The following TEKT5 variants were observed in gnomAD, a reference collection of about 807,000 sequenced individuals.
TEKT5 encodes the protein tektin-5.
A neutral mutation model predicts 48.7 loss-of-function variants in TEKT5; 52 were observed. The ratio of observed to expected loss-of-function variants is 1.07; its 90% CI spans 0.86 to 1.35. TEKT5 has a LOEUF of 1.35. TEKT5 is among the 40% of genes most tolerant of loss of function. The probability of loss-of-function intolerance (pLI) is 0.00; values close to 1 mark genes in which losing one functional copy is unlikely to be tolerated. For synonymous variants in TEKT5, 318 were observed against 267.6 expected, an observed-to-expected ratio of 1.19 and a Z score of -1.84; for missense variants, 831 against 641.6, an observed-to-expected ratio of 1.30 and a Z score of -3.19.
At position 10,694,654 on chromosome 16, in the gene TEKT5, G is replaced by A; in HGVS notation, c.220C>T (p.Pro74Ser). 3 of 1,613,044 alleles carry A rather than the reference G, an allele frequency of 1.9e-6. No homozygotes were observed. Among genetic ancestry groups the A allele is most frequent in the Non-Finnish European group, 2.5e-6 (3 of 1,179,428 alleles). The change falls in exon 1 of 7, where the codon CCG (proline) becomes TCG (serine). Residue 74 changes from proline (P) to serine (S), a missense_variant. Physicochemically the swap from Pro to Ser is moderately conservative, Grantham distance 74 (BLOSUM62 -1). Transcript: ENST00000283025. ...CGCAGTGTGGGCAGGATGGTGGGCG[G>A]CCGCAGGGTACTGGTGCTCTCGTCC... Reference protein sequence around the residue: ...CPDESTSTLRPPTILPTLRSA... With the variant: ...CPDESTSTLRSPTILPTLRSA...
intron 5 of TEKT5, 21 bp from the exon 6 acceptor site, chr16:10,635,939 G>A (rs764903688): frequency 1.9e-6 from 3 of 1,611,716 alleles, no homozygotes; most frequent in South Asian, 1.1e-5. Flanking sequence ...ACACACAGGT[G>A]TCACCACCCA....
chr16:10,692,936 T>C (rs1172851358), intron 1 of TEKT5: 1 of 152,228 alleles, frequency 6.6e-6, no homozygotes, highest in Non-Finnish European at 1.5e-5. Context: ...GGAATTTTCC[T>C]CATGACAGAA....
At chr16:10,654,016 A>G (rs1404818837) in intron 5 of TEKT5, among the ~76,000 whole-genome samples, 2 of 135,914 alleles carry the variant, frequency 1.5e-5, no homozygotes, top group African/African-American at 3.5e-5. Flanking sequence ...GTGTGTGTGC[A>G]TGTGTGTGTG....
At chr16:10,671,124 G>C (rs1296277872) in intron 5 of TEKT5, among the ~76,000 whole-genome samples, 6 of 152,128 alleles carry the variant, frequency 3.9e-5, no homozygotes, top group African/African-American at 1.2e-4. Flanking sequence ...CCTTTTTACT[G>C]AGTGTTTATC....
Position 10,652,557 on chromosome 16 carries a change from A to C in TEKT5, c.1087-16639T>G, listed in dbSNP as rs1326039791. ...GGCAGACATACACACACACACACAC[A>C]CACCCCCTCCAGGCCAGGTAGAATG... On this transcript the variant is annotated intron_variant, in intron 5 of 6. Coordinates refer to ENST00000283025, the MANE Select transcript of TEKT5 (RefSeq NM_144674.2). Among the ~76,000 whole-genome samples the C allele has an allele frequency of 2.4e-5, 3 of 125,746 alleles. 1 individual carries two copies. Among genetic ancestry groups the C allele is most frequent in the Non-Finnish European group, 4.9e-5 (3 of 60,804 alleles). 82.5% of individuals were successfully genotyped at this position (125,746 alleles called of 152,430 possible). A position where few individuals can be genotyped will look rare whatever the true frequency, so the allele number is the denominator to read the frequency against.
intron 5 of TEKT5, among the ~76,000 whole-genome samples, chr16:10,662,131 G>T (rs2541518): frequency 0.059 from 8,992 of 152,236 alleles, 632 homozygotes; most frequent in East Asian, 0.17. Flanking sequence ...GGGGGGTAGG[G>T]ACTGTCCTGT....
intron 5 of TEKT5, among the ~76,000 whole-genome samples, chr16:10,641,657 C>T (rs2541536): frequency 0.15 from 23,189 of 151,948 alleles, 3,449 homozygotes; most frequent in African/African-American, 0.39. Flanking sequence ...CTTGTCTCCA[C>T]GAAAAATAGA....
chr16:10,663,576 G>T (rs923325180), intron 5 of TEKT5, among the ~76,000 whole-genome samples: 1 of 152,112 alleles, frequency 6.6e-6, no homozygotes, highest in Non-Finnish European at 1.5e-5. Flanking sequence ...AAAGAGGAGA[G>T]GAGCGCTCCG....
chr16:10,676,139 G>A lies in TEKT5; in HGVS notation c.906C>T (p.Asn302=). Residue 302 remains asparagine (N), a synonymous_variant, in exon 5 of 7, where the codon AAC becomes AAT. Transcript: ENST00000283025. ...PETWAKFSND[N]IKHSQNMRAN... is the part of the protein sequence containing the mutation. ...CCCGCATGTTCTGAGAGTGTTTGAT[G>A]TTGTCGTTACTGAACTTGGCCCAGG... The A allele has an allele frequency of 1.2e-6, 2 of 1,614,240 alleles. No homozygotes were observed. The highest frequency in any genetic ancestry group is 8.5e-7 in the Non-Finnish European group (1 of 1,180,034).
In TEKT5 at chr16:10,635,766, C is replaced by G. The variant is rs899227169; in HGVS notation, c.1239G>C (p.Leu413Phe). ...CTCCTCTGGCCTCCCTCACTTACTT[C>G]AACTGCGGGATGTCCCTGCACAGCT... ...NMELCRDIPQ[L>F]KLVNEVFTID... The change falls in exon 6 of 7, where the codon TTG becomes TTC. Residue 413 changes from leucine (L) to phenylalanine (F), a missense_variant and splice_region_variant. Coordinates refer to ENST00000283025, the MANE Select transcript of TEKT5 (RefSeq NM_144674.2). The G allele has an allele frequency of 3.1e-6, 5 of 1,611,270 alleles. No individual in the cohort carries two copies. Among genetic ancestry groups the G allele is most frequent in the East Asian group, 2.2e-5 (1 of 44,760 alleles).
chr16:10,675,823 G>C, intron 5 of TEKT5, 136 bp downstream of exon 5: 2 of 812,902 alleles, frequency 2.5e-6, no homozygotes, highest in South Asian at 3.4e-5. Flanking sequence ...GGAAGAAAAA[G>C]ACCACAGACC....
In TEKT5 at chr16:10,676,203, T is replaced by A. The variant is rs752455861; in HGVS notation, c.864-22A>T. The A allele has an allele frequency of 8.7e-6, 14 of 1,612,438 alleles. No homozygotes were observed. In the East Asian group the frequency reaches 2.9e-4, roughly 33 times the overall value. On this transcript the variant is annotated intron_variant, in intron 4 of 6. Transcript: ENST00000283025. ...GATCCTGCAAAGGCACAAGGGTGAGTTGCAGCAGTCCTGGAAGACCTCAGA... is the reference window on the plus strand; with the variant it reads ...GATCCTGCAAAGGCACAAGGGTGAGATGCAGCAGTCCTGGAAGACCTCAGA...
At chr16:10,662,390 C>T (rs2719655) in intron 5 of TEKT5, among the ~76,000 whole-genome samples, 64,734 of 152,044 alleles carry the variant, frequency 0.43, 14,578 homozygotes, top group East Asian at 0.63. Context: ...TAGAGCAGGA[C>T]TTGTGGAGTC....
intron 5 of TEKT5, among the ~76,000 whole-genome samples, chr16:10,670,991 A>G (rs1197046735): frequency 2.6e-5 from 4 of 152,048 alleles, no homozygotes; most frequent in African/African-American, 9.7e-5. Context: ...TGCAGCATCA[A>G]ACTCCGGGGC....
At chr16:10,634,917 G>C (rs1897892018) in intron 6 of TEKT5, among the ~76,000 whole-genome samples, 1 of 152,150 alleles carries the variant, frequency 6.6e-6, no homozygotes, top group African/African-American at 2.4e-5. Flanking sequence ...GGAAGACCCT[G>C]ACATGTACAA....
intron 4 of TEKT5, among the ~76,000 whole-genome samples, chr16:10,676,415 C>T (rs1044095438): frequency 6.6e-6 from 1 of 152,146 alleles, no homozygotes; most frequent in East Asian, 1.9e-4. Flanking sequence ...AATGACCCTG[C>T]CAAATGGGAG....
chr16:10,689,873 G>T, intron 2 of TEKT5, 69 bp downstream of exon 2: 1 of 1,500,330 alleles, frequency 6.7e-7, no homozygotes, highest in Admixed American at 1.7e-5. Flanking sequence ...AGGTAGCTCA[G>T]TAATTTCTCT....
Position 10,662,667 on chromosome 16 carries a change from T to C in TEKT5, c.1086+13292A>G, listed in dbSNP as rs2719654. On this transcript the variant is annotated intron_variant, in intron 5 of 6. Coordinates refer to ENST00000283025, the MANE Select transcript of TEKT5 (RefSeq NM_144674.2). ...ATCTGCCTTTCTTTACCCATGACTA[T>C]CTTGGCAAATTCTTTTACCATCCAC... 1.5e-3 allele frequency among the ~76,000 whole-genome samples: 222 copies of C among 152,324 alleles called. 2 individuals are homozygous for C. The highest frequency in any genetic ancestry group is 5.1e-3 in the African/African-American group (214 of 41,582).
At chr16:10,637,411 G>T (rs1040073752) in intron 5 of TEKT5, among the ~76,000 whole-genome samples, 6 of 151,560 alleles carry the variant, frequency 4.0e-5, no homozygotes, top group African/African-American at 1.5e-4. Context: ...AAGAAGGGAA[G>T]GATATAAGAA....
Sources: gnomAD v4.1 joint callset for allele counts (sites outside exome capture counted in the v4.1 genomes callset) on GRCh38, gnomAD v4.1.1 for gene constraint, MANE v1.5 for transcripts, NCBI Gene and HGNC (gene_info 2026-07-23, HGNC 2026-07-21) for gene names.